Variants in ZBTB20 observed in about 807,000 individuals in gnomAD.
The protein encoded by ZBTB20 is zinc finger and BTB domain-containing protein 20.
Under a neutral mutation model 56.9 loss-of-function variants are expected in ZBTB20, and 9 were observed. That is an observed-to-expected ratio of 0.16 (90% CI 0.10 to 0.28). The LOEUF (loss-of-function observed/expected upper bound fraction) is 0.28, where lower values mean the gene tolerates loss of function less well. ZBTB20 is among the 10% of genes least tolerant of loss of function. The probability of loss-of-function intolerance (pLI) is 1.00; values close to 1 mark genes in which losing one functional copy is unlikely to be tolerated. For synonymous variants in ZBTB20, 417 were observed against 420.7 expected (o/e 0.99, Z 0.11); for missense variants, 655 against 1,003.0 (o/e 0.65, Z 4.69).
chr3:114,775,824 G>C (rs1478200110), intron 5 of ZBTB20, among the ~76,000 whole-genome samples: 1 of 152,118 alleles, frequency 6.6e-6, no homozygotes, highest in East Asian at 1.9e-4. Flanking sequence ...GCACAATGAT[G>C]GAGGAAGGTT....
intron 1 of ZBTB20, among the ~76,000 whole-genome samples, chr3:115,133,593 C>T (rs547069276): frequency 6.6e-6 from 1 of 152,302 alleles, no homozygotes; most frequent in African/African-American, 2.4e-5. Context: ...CACCTATATG[C>T]CTACTCTGGA....
At chr3:114,386,742 C>A (rs1182321347) in intron 8 of ZBTB20, among the ~76,000 whole-genome samples, 1 of 152,056 alleles carries the variant, frequency 6.6e-6, no homozygotes, top group East Asian at 1.9e-4. Flanking sequence ...CACATCAGGG[C>A]AAAAGAATGG....
chr3:114,773,983 C>A (rs994750475), intron 5 of ZBTB20, among the ~76,000 whole-genome samples: 2 of 152,092 alleles, frequency 1.3e-5, no homozygotes, highest in African/African-American at 4.8e-5. Flanking sequence ...CTTAACTGAA[C>A]AAAGGAATAT....
At chr3:114,445,260 T>A (rs2091199535) in intron 7 of ZBTB20, among the ~76,000 whole-genome samples, 1 of 152,188 alleles carries the variant, frequency 6.6e-6, no homozygotes, top group South Asian at 2.1e-4. Context: ...TTATAACCTA[T>A]AGGAAAAAGT....
chr3:114,593,652 G>A (rs1004708910), intron 6 of ZBTB20, among the ~76,000 whole-genome samples: 58 of 152,206 alleles, frequency 3.8e-4, no homozygotes, highest in African/African-American at 1.4e-3. Context: ...CCAAAGTGCT[G>A]GGATTACAGG....
intron 2 of ZBTB20, among the ~76,000 whole-genome samples, chr3:115,014,777 TG>T (rs1335991788): frequency 6.6e-6 from 1 of 151,770 alleles, no homozygotes; most frequent in Non-Finnish European, 1.5e-5. Flanking sequence ...GTGTCTTTTT[TG>T]TTTTTTGTTT....
At chr3:114,937,795 T>C (rs1281242871) in intron 3 of ZBTB20, among the ~76,000 whole-genome samples, 1 of 152,112 alleles carries the variant, frequency 6.6e-6, no homozygotes, top group Non-Finnish European at 1.5e-5. Context: ...GTTTTCTTCT[T>C]GTAAATTTGT....
chr3:114,814,728 C>G (rs1291914986), intron 4 of ZBTB20, among the ~76,000 whole-genome samples: 1 of 152,172 alleles, frequency 6.6e-6, no homozygotes, highest in East Asian at 1.9e-4. Context: ...CAACCATTTT[C>G]AAATAACTAA....
chr3:114,988,570 T>C (rs2078656736), intron 2 of ZBTB20, among the ~76,000 whole-genome samples: 2 of 152,198 alleles, frequency 1.3e-5, no homozygotes, highest in Non-Finnish European at 2.9e-5. Context: ...TACGTGTGCA[T>C]GTGTCTTTAC....
chr3:115,009,594 A>G (rs2079614764), intron 2 of ZBTB20, among the ~76,000 whole-genome samples: 1 of 152,000 alleles, frequency 6.6e-6, no homozygotes, highest in Non-Finnish European at 1.5e-5. Flanking sequence ...ATTTGAATGT[A>G]TCCCTCAAAG....
At chr3:115,129,396 C>T (rs2084435807) in intron 1 of ZBTB20, among the ~76,000 whole-genome samples, 1 of 152,116 alleles carries the variant, frequency 6.6e-6, no homozygotes, top group Admixed American at 6.6e-5. Flanking sequence ...TAAGATGATA[C>T]TTACGTTTCT....
chr3:114,632,269 G>T (rs998474752), intron 6 of ZBTB20, among the ~76,000 whole-genome samples: 2 of 152,152 alleles, frequency 1.3e-5, no homozygotes, highest in Non-Finnish European at 2.9e-5. Context: ...TTATCCTTAT[G>T]ATTTCCTTTT....
intron 6 of ZBTB20, among the ~76,000 whole-genome samples, chr3:114,604,617 C>A (rs2107649395): frequency 6.6e-6 from 1 of 152,030 alleles, no homozygotes; most frequent in East Asian, 1.9e-4. Flanking sequence ...GGTTCCTGAG[C>A]TCCATAAATT....
At chr3:114,715,202 A>T (rs551833715) in intron 5 of ZBTB20, among the ~76,000 whole-genome samples, 13 of 152,300 alleles carry the variant, frequency 8.5e-5, no homozygotes, top group African/African-American at 2.9e-4. Context: ...TGCCGCTCAA[A>T]AAAACAAAGT....
At chr3:114,397,465 G>A (rs1225344772) in intron 7 of ZBTB20, among the ~76,000 whole-genome samples, 1 of 151,290 alleles carries the variant, frequency 6.6e-6, no homozygotes, top group Non-Finnish European at 1.5e-5. Context: ...TATCTTGAAG[G>A]TTATTCTCTC....
At chr3:114,682,207 T>C (rs2062016334) in intron 6 of ZBTB20, among the ~76,000 whole-genome samples, 1 of 152,154 alleles carries the variant, frequency 6.6e-6, no homozygotes, top group African/African-American at 2.4e-5. Context: ...GTGTTCACAG[T>C]GTTTTACCAA....
intron 6 of ZBTB20, among the ~76,000 whole-genome samples, chr3:114,657,967 T>G (rs1462991983): frequency 2.0e-5 from 3 of 152,306 alleles, no homozygotes; most frequent in African/African-American, 7.2e-5. Context: ...GCACTTGAAC[T>G]GATATGGAAA....
chr3:114,396,010 A>C (rs1266613612), intron 7 of ZBTB20, among the ~76,000 whole-genome samples: 1 of 151,994 alleles, frequency 6.6e-6, no homozygotes, highest in African/African-American at 2.4e-5. Flanking sequence ...AAACACACAC[A>C]CCCACACACC....
chr3:115,006,949 G>T (rs1247274230), intron 2 of ZBTB20, among the ~76,000 whole-genome samples: 1 of 151,552 alleles, frequency 6.6e-6, no homozygotes, highest in Non-Finnish European at 1.5e-5. Context: ...AAAACTCGAG[G>T]TAACTTCTTT....
Sources: allele counts gnomAD v4.1 joint callset (sites outside exome capture counted in the v4.1 genomes callset), GRCh38; gene constraint gnomAD v4.1.1; transcripts MANE v1.5; gene names NCBI Gene and HGNC (gene_info 2026-07-23, HGNC 2026-07-21).